The following CLVS1 variants were observed in gnomAD, a reference collection of about 807,000 sequenced individuals.
CLVS1 encodes the protein clavesin 1.
In CLVS1, 10 loss-of-function variants were observed where a neutral mutation model predicts 33.1. The observed-to-expected ratio is 0.30, with a 90% confidence interval of 0.19 to 0.51. The LOEUF is 0.51. CLVS1 is among the 20% of genes least tolerant of loss of function. The pLI, the probability that CLVS1 is intolerant of heterozygous loss-of-function variation, is 0.97. For missense variants in CLVS1, 343 were observed against 433.4 expected (o/e 0.79, Z 1.85); for synonymous variants, 163 against 166.1 (o/e 0.98, Z 0.14).
At chr8:61,425,691 T>G (rs1320920036) in intron 3 of CLVS1, among the ~76,000 whole-genome samples, 1 of 152,198 alleles carries the variant, frequency 6.6e-6, no homozygotes, top group Non-Finnish European at 1.5e-5. Context: ...TTTTTTGTAA[T>G]TAGAATAAGC....
intron 2 of CLVS1, among the ~76,000 whole-genome samples, chr8:61,192,312 T>C (rs1440386929): frequency 6.6e-6 from 1 of 152,186 alleles, no homozygotes; most frequent in Non-Finnish European, 1.5e-5. Flanking sequence ...GTGGGAAAAC[T>C]GGCTAGACAT....
the CLVS1 span, among the ~76,000 whole-genome samples, chr8:61,028,628 T>G: frequency 6.2e-4 from 95 of 152,296 alleles, no homozygotes; most frequent in African/African-American, 2.2e-3. Context: ...AGGGCCATGT[T>G]GGCTGTGCTG....
chr8:61,484,445 G>A (rs1803793421), intron 5 of CLVS1, among the ~76,000 whole-genome samples: 1 of 152,092 alleles, frequency 6.6e-6, no homozygotes, highest in African/African-American at 2.4e-5. Context: ...AATAAAAGAG[G>A]ATACAAACAA....
chr8:61,155,162 T>C (rs1378447819), intron 2 of CLVS1, among the ~76,000 whole-genome samples: 1 of 152,214 alleles, frequency 6.6e-6, no homozygotes, highest in Non-Finnish European at 1.5e-5. Flanking sequence ...GTGCGTATTG[T>C]GGGTCGTGAG....
chr8:61,014,233 C>T, the CLVS1 span, among the ~76,000 whole-genome samples: 1 of 151,860 alleles, frequency 6.6e-6, no homozygotes, highest in Non-Finnish European at 1.5e-5. Flanking sequence ...TAAGATATTC[C>T]CCCTTGTGGA....
At chr8:61,007,842 G>A in the CLVS1 span, among the ~76,000 whole-genome samples, 1 of 152,224 alleles carries the variant, frequency 6.6e-6, no homozygotes, top group Non-Finnish European at 1.5e-5. Context: ...GGAAGGAGCA[G>A]TGTGGCAGGG....
intron 1 of CLVS1, among the ~76,000 whole-genome samples, chr8:61,129,412 G>A (rs1052509827): frequency 1.3e-5 from 2 of 152,146 alleles, no homozygotes; most frequent in African/African-American, 4.8e-5. Context: ...CTTCCCCATG[G>A]GCTAAACCTG....
intron 2 of CLVS1, among the ~76,000 whole-genome samples, chr8:61,325,293 T>G (rs1205645210): frequency 6.6e-6 from 1 of 152,164 alleles, no homozygotes; most frequent in African/African-American, 2.4e-5. Context: ...CATTTCACAA[T>G]GTATACGTAT....
At chr8:61,409,785 A>G (rs1030018787) in intron 3 of CLVS1, among the ~76,000 whole-genome samples, 1 of 152,228 alleles carries the variant, frequency 6.6e-6, no homozygotes, top group African/African-American at 2.4e-5. Context: ...TACTTACCCA[A>G]TAGAATGTTT....
At chr8:61,039,962 G>A in the CLVS1 span, among the ~76,000 whole-genome samples, 251 of 152,266 alleles carry the variant, frequency 1.6e-3, 1 homozygote, top group African/African-American at 5.6e-3. Flanking sequence ...ACATAATATC[G>A]GATAGGTGGT....
chr8:61,304,729 G>A lies in CLVS1; in HGVS notation c.455+4447G>A, dbSNP rs1810558952. Among the ~76,000 whole-genome samples, 3 of 152,262 alleles carry A rather than the reference G, an allele frequency of 2.0e-5. No homozygotes were observed. The South Asian group carries it at 6.2e-4, about 32-fold the overall frequency. ...TTGCACTTGGTCATAAGCCCAGTTT[G>A]CCATGAATGCCCCAGTGCTGGAGAA... On this transcript the variant is annotated intron_variant, in intron 2 of 5. Coordinates refer to ENST00000325897, the MANE Select transcript of CLVS1 (RefSeq NM_173519.3).
chr8:61,042,867 T>A, the CLVS1 span, among the ~76,000 whole-genome samples: 4 of 152,096 alleles, frequency 2.6e-5, no homozygotes, highest in Non-Finnish European at 5.9e-5. Flanking sequence ...TAGTTGAGGG[T>A]CAAGTCCCAG....
At chr8:61,183,204 C>T (rs1279591883) in intron 2 of CLVS1, among the ~76,000 whole-genome samples, 3 of 152,006 alleles carry the variant, frequency 2.0e-5, no homozygotes, top group African/African-American at 4.8e-5. Flanking sequence ...ATAGCTAATG[C>T]ATGAGGGGCT....
At chr8:61,262,101 A>C (rs930298314) in intron 2 of CLVS1, among the ~76,000 whole-genome samples, 1 of 151,968 alleles carries the variant, frequency 6.6e-6, no homozygotes, top group African/African-American at 2.4e-5. Context: ...CTGCAGCCTT[A>C]AATGATCTGA....
chr8:61,422,059 A>C (rs1344152019), intron 3 of CLVS1, among the ~76,000 whole-genome samples: 1 of 151,046 alleles, frequency 6.6e-6, no homozygotes, highest in Admixed American at 6.6e-5. Context: ...GGATGATTCT[A>C]CCTCAGTTCT....
At chr8:61,069,484 A>G (rs376899313) in intron 1 of CLVS1, among the ~76,000 whole-genome samples, 1 of 151,576 alleles carries the variant, frequency 6.6e-6, no homozygotes, top group Admixed American at 6.6e-5. Flanking sequence ...TTGAGTATTT[A>G]TCAGCAGTCA....
Position 61,300,176 on chromosome 8 carries a change from G to A in CLVS1, c.349G>A (p.Gly117Ser), listed in dbSNP as rs1810376614. ...MFKNFKADDP[G>S]IKRALIDGFP... ...CAAAAACTTCAAGGCAGATGATCCC[G>A]GCATTAAGAGGGCTCTGATCGATGG... Residue 117 changes from glycine to serine, a missense_variant, in exon 2 of 6, where the codon GGC becomes AGC. Around this residue, in one of 4 missense-constraint regions of CLVS1, gnomAD observed 166 missense variants for 244.0 expected, o/e 0.68. Coordinates refer to ENST00000325897, the MANE Select transcript of CLVS1 (RefSeq NM_173519.3). 5 of 1,613,884 alleles carry A rather than the reference G, an allele frequency of 3.1e-6. No individual in the cohort carries two copies. Among genetic ancestry groups the A allele is most frequent in the Middle Eastern group, 1.6e-4 (1 of 6,082 alleles).
chr8:61,499,438 C>G lies in CLVS1; in HGVS notation c.978-17C>G. 1 of 1,575,782 alleles carries G rather than the reference C, an allele frequency of 6.3e-7. No homozygotes were observed. The highest frequency in any genetic ancestry group is 8.7e-7 in the Non-Finnish European group (1 of 1,145,648). On this transcript the variant is annotated splice_polypyrimidine_tract_variant and intron_variant, in intron 5 of 5. Transcript: ENST00000325897. ...GAATTGTTTGTAATTCTGTCTTTTT[C>G]CCTCCCCTCTTGTTAGATCTCAGTC...
intron 2 of CLVS1, among the ~76,000 whole-genome samples, chr8:61,207,288 T>C (rs1400668839): frequency 6.6e-6 from 1 of 152,112 alleles, no homozygotes; most frequent in Non-Finnish European, 1.5e-5. Context: ...AGTTCAGAGA[T>C]GCACGGGCTC....
Sources: allele counts gnomAD v4.1 joint callset (sites outside exome capture counted in the v4.1 genomes callset), GRCh38; gene constraint gnomAD v4.1.1; regional missense constraint gnomAD v4.1.1; transcripts MANE v1.5; gene names NCBI Gene and HGNC (gene_info 2026-07-23, HGNC 2026-07-21).